Variants in KCNB2 observed in about 807,000 individuals in gnomAD.
KCNB2 encodes delayed rectifier potassium channel protein.
Under a neutral mutation model 61.5 loss-of-function variants are expected in KCNB2, and 15 were observed. The observed-to-expected ratio is 0.24, with a 90% CI of 0.16 to 0.38. The LOEUF (loss-of-function observed/expected upper bound fraction) is 0.38, where lower values mean the gene tolerates loss of function less well. Ranked by LOEUF, KCNB2 falls within the 10% of genes least tolerant of loss-of-function variation. KCNB2 has a pLI of 1.00. For synonymous variants in KCNB2, 457 were observed against 446.0 expected (o/e 1.02, Z -0.31); for missense variants, 828 against 1,125.2 (o/e 0.74, Z 3.78).
At chr8:72,904,501 G>A (rs948251190) in intron 2 of KCNB2, among the ~76,000 whole-genome samples, 7 of 151,872 alleles carry the variant, frequency 4.6e-5, no homozygotes, top group South Asian at 2.1e-4. Flanking sequence ...CATCCCACAC[G>A]TGTACCCCTG....
rs561846373 is a variant in KCNB2, at chr8:72,726,455, C to T, written c.579+158142C>T. Among the ~76,000 whole-genome samples, 18 of 152,266 alleles carry T rather than the reference C, an allele frequency of 1.2e-4. 1 individual carries two copies. The South Asian group carries it at 2.5e-3, about 21-fold the overall frequency. ...TTATATAAATGATAGTAAATACATA[C>T]ATAGATGATTGTGCAGTCATTCTTT... is the stretch of plus-strand genomic sequence containing the variant. On this transcript the variant is annotated intron_variant, in intron 2 of 2. Transcript: ENST00000523207.
rs1232310095 is a variant in KCNB2 at position 72,705,414 on chromosome 8, T to G, written c.579+137101T>G. On this transcript the variant is annotated intron_variant, in intron 2 of 2. Transcript: ENST00000523207. ...CCCTCCCATACATGGTCCAATCCAG[T>G]TTATCTGATAGAATGTAAAGTCAGA... Among the ~76,000 whole-genome samples, 4 of 152,226 alleles carry G rather than the reference T, an allele frequency of 2.6e-5. No homozygotes were observed. The East Asian group carries it at 7.7e-4, about 29-fold the overall frequency.
chr8:72,929,345 G>T (rs1324264179), intron 2 of KCNB2, among the ~76,000 whole-genome samples: 1 of 152,136 alleles, frequency 6.6e-6, no homozygotes, highest in Admixed American at 6.6e-5. Context: ...CTACTAATGC[G>T]AGTGCTGGGA....
chr8:72,922,301 A>T (rs952348573), intron 2 of KCNB2, among the ~76,000 whole-genome samples: 1 of 152,192 alleles, frequency 6.6e-6, no homozygotes, highest in Non-Finnish European at 1.5e-5. Flanking sequence ...TGACCTCATC[A>T]TAACTAATGA....
intron 2 of KCNB2, among the ~76,000 whole-genome samples, chr8:72,633,084 C>T (rs945732929): frequency 1.3e-5 from 2 of 152,128 alleles, no homozygotes; most frequent in Non-Finnish European, 2.9e-5. Flanking sequence ...AAGATGGCAG[C>T]AGGGCCACAT....
At chr8:72,851,857 G>A (rs1810122364) in intron 2 of KCNB2, among the ~76,000 whole-genome samples, 1 of 52,332 alleles carries the variant, frequency 1.9e-5, no homozygotes, top group African/African-American at 8.1e-5. Flanking sequence ...AACACGTACT[G>A]CTGAGTTCCA....
At chr8:72,605,973 A>C (rs895255708) in intron 2 of KCNB2, among the ~76,000 whole-genome samples, 1 of 152,342 alleles carries the variant, frequency 6.6e-6, no homozygotes, top group Non-Finnish European at 1.5e-5. Flanking sequence ...TGTCAAATTA[A>C]TTGAAGAAAA....
chr8:72,853,006 G>A (rs1364482304), intron 2 of KCNB2, among the ~76,000 whole-genome samples: 1 of 152,188 alleles, frequency 6.6e-6, no homozygotes, highest in Non-Finnish European at 1.5e-5. Flanking sequence ...GAGAGGGAGT[G>A]AAATCATTGG....
At chr8:72,541,732 A>G (rs957332711) in intron 1 of KCNB2, among the ~76,000 whole-genome samples, 1 of 152,116 alleles carries the variant, frequency 6.6e-6, no homozygotes, top group African/African-American at 2.4e-5. Flanking sequence ...TTTTATCAGA[A>G]TGCTAACACA....
chr8:72,658,385 T>G (rs569752785), intron 2 of KCNB2, among the ~76,000 whole-genome samples: 1 of 152,196 alleles, frequency 6.6e-6, no homozygotes, highest in Non-Finnish European at 1.5e-5. Context: ...TACAATTCTA[T>G]GAAGGCTGAG....
At chr8:72,555,184 A>G (rs989295830) in intron 1 of KCNB2, among the ~76,000 whole-genome samples, 6 of 152,058 alleles carry the variant, frequency 3.9e-5, no homozygotes, top group Non-Finnish European at 5.9e-5. Flanking sequence ...ACCTATAAAT[A>G]AAAGATAATA....
In KCNB2 at chr8:72,763,910, G is replaced by A. The variant is rs544217659; in HGVS notation, c.580-172025G>A. Among the ~76,000 whole-genome samples the A allele has an allele frequency of 3.3e-5, 5 of 152,300 alleles. No individual in the cohort carries two copies. The East Asian group carries it at 9.7e-4, about 29-fold the overall frequency. On this transcript the variant is annotated intron_variant, in intron 2 of 2. Transcript: ENST00000523207. ...TGGGGAAGGAGCTGGGCTTTGGTAG[G>A]AAGGTGGAGGAGAAGCAGCATCCGA... is the stretch of plus-strand genomic sequence containing the variant.
intron 2 of KCNB2, among the ~76,000 whole-genome samples, chr8:72,578,610 A>T (rs950725882): frequency 7.9e-5 from 12 of 152,214 alleles, no homozygotes; most frequent in African/African-American, 2.7e-4. Context: ...TTTAAATTAC[A>T]TGGAATATTT....
At chr8:72,592,946 TTTATAAGAGAA>T (rs1193923776) in intron 2 of KCNB2, among the ~76,000 whole-genome samples, 1 of 152,192 alleles carries the variant, frequency 6.6e-6, no homozygotes, top group African/African-American at 2.4e-5. Context: ...GGTGTAAGCA[TTTATAAGAGAA>T]TCTAAGGGAA....
chr8:72,757,490 G>A (rs968069706), intron 2 of KCNB2, among the ~76,000 whole-genome samples: 2 of 152,192 alleles, frequency 1.3e-5, no homozygotes, highest in African/African-American at 2.4e-5. Context: ...TATAGGGAAA[G>A]AGATTGAAAC....
chr8:72,569,733 T>C (rs1806681905), intron 2 of KCNB2, among the ~76,000 whole-genome samples: 1 of 152,086 alleles, frequency 6.6e-6, no homozygotes, highest in Admixed American at 6.5e-5. Flanking sequence ...CTACAAAAAA[T>C]ATGGAGTGAA....
chr8:72,677,566 G>A lies in KCNB2; in HGVS notation c.579+109253G>A, dbSNP rs146527273. Reference sequence around the variant, plus strand: ...TTTCTTTGGAACTGATTCCAATCAGGCTTTTTTCAAAACCGCTCTTAACCT... The same window carrying A: ...TTTCTTTGGAACTGATTCCAATCAGACTTTTTTCAAAACCGCTCTTAACCT... On this transcript the variant is annotated intron_variant, in intron 2 of 2. Transcript: ENST00000523207. 5.9e-3 allele frequency among the ~76,000 whole-genome samples: 901 copies of A among 152,120 alleles called. 10 individuals are homozygous for A. Among genetic ancestry groups the A allele is most frequent in the African/African-American group, 0.019 (804 of 41,488 alleles).
chr8:72,920,526 A>T (rs1806502997), intron 2 of KCNB2, among the ~76,000 whole-genome samples: 1 of 138,434 alleles, frequency 7.2e-6, no homozygotes, highest in Admixed American at 7.4e-5. Flanking sequence ...AGTCCCAGCT[A>T]CTCAGGATAC....
At chr8:72,905,780 C>G (rs1446486873) in intron 2 of KCNB2, among the ~76,000 whole-genome samples, 4 of 152,052 alleles carry the variant, frequency 2.6e-5, no homozygotes, top group Non-Finnish European at 5.9e-5. Flanking sequence ...CTGAACCCAC[C>G]AAGAACGTTG....
Sources: allele counts gnomAD v4.1 joint callset (sites outside exome capture counted in the v4.1 genomes callset), GRCh38; gene constraint gnomAD v4.1.1; transcripts MANE v1.5; gene names NCBI Gene and HGNC (gene_info 2026-07-23, HGNC 2026-07-21).